The following MTHFD1L variants were observed in gnomAD, a reference collection of about 807,000 sequenced individuals.
The protein encoded by MTHFD1L is methylenetetrahydrofolate dehydrogenase (NADP+ dependent) 1 like.
Under a neutral mutation model 119.5 loss-of-function variants are expected in MTHFD1L, and 81 were observed. That is an observed-to-expected ratio of 0.68 (90% CI 0.57 to 0.82). The LOEUF (loss-of-function observed/expected upper bound fraction) is 0.82, where lower values mean the gene tolerates loss of function less well. MTHFD1L is among the 40% of genes least tolerant of loss of function. The pLI, the probability that MTHFD1L is intolerant of heterozygous loss-of-function variation, is 0.00. For missense variants in MTHFD1L, 1,125 were observed against 1,253.4 expected (o/e 0.90, Z 1.55); for synonymous variants, 430 against 475.2 (o/e 0.90, Z 1.24).
In MTHFD1L at chr6:151,064,792, TTTTTTTTG is replaced by T. The variant is rs1388884717; in HGVS notation, c.2848-27654_2848-27647del. 2.3e-3 allele frequency among the ~76,000 whole-genome samples: 344 copies of T among 151,454 alleles called. 1 individual carries two copies. The highest frequency in any genetic ancestry group is 0.01 in the Middle Eastern group (3 of 286). ...AATGTGTTACTATTCTTTTTTTGTTTTTTTTTTGTTTTTTTGTTTTTTTGTTTTGAGAT... is the reference window on the plus strand; with the variant it reads ...AATGTGTTACTATTCTTTTTTTGTTTTTTTTTTGTTTTTTTGTTTTGAGAT... On this transcript the variant is annotated intron_variant, in intron 26 of 27. Transcript: ENST00000367321.
rs563222987 is a variant in MTHFD1L at position 150,945,580 on chromosome 6, C to G, written c.1623+39C>G. 2.6e-6 allele frequency: 4 copies of G among 1,565,422 alleles called. No homozygotes were observed. The South Asian group carries it at 4.6e-5, about 18-fold the overall frequency. On this transcript the variant is annotated intron_variant, in intron 15 of 27. Coordinates refer to ENST00000367321, the MANE Select transcript of MTHFD1L (RefSeq NM_015440.5). ...TAGCAATTCTTTAAAAAGAAAATAT[C>G]GTAGAAACGCATCAGAAAGATTGTC...
rs6910000 is a variant in MTHFD1L at position 151,090,293 on chromosome 6, C to T, written c.2848-2174C>T. Among the ~76,000 whole-genome samples, 301 of 152,342 alleles carry T rather than the reference C, an allele frequency of 2.0e-3. 2 individuals carry two copies. The highest frequency in any genetic ancestry group is 6.8e-3 in the African/African-American group (282 of 41,576). On this transcript the variant is annotated intron_variant, in intron 26 of 27. Coordinates refer to ENST00000367321, the MANE Select transcript of MTHFD1L (RefSeq NM_015440.5). ...TTCCTTCTCTCCCTCTCCCCACCCC[C>T]AGTCTCCCTTTCCCTGTGCTGAAGG...
chr6:151,077,197 T>C (rs971218191), intron 26 of MTHFD1L, among the ~76,000 whole-genome samples: 5 of 151,762 alleles, frequency 3.3e-5, no homozygotes, highest in African/African-American at 9.7e-5. Context: ...ATCAAAAGGG[T>C]CAGCAAAATA....
chr6:151,087,114 C>A (rs1273529168), intron 26 of MTHFD1L, among the ~76,000 whole-genome samples: 1 of 151,872 alleles, frequency 6.6e-6, no homozygotes, highest in Admixed American at 6.6e-5. Flanking sequence ...CCAGGCATGG[C>A]GGCGGGCACC....
chr6:150,974,170 C>G (rs1776204186), intron 20 of MTHFD1L, among the ~76,000 whole-genome samples: 1 of 152,098 alleles, frequency 6.6e-6, no homozygotes, highest in Non-Finnish European at 1.5e-5. Flanking sequence ...CCTTCTCTTC[C>G]TTGGTTTCCC....
chr6:151,037,963 A>G (rs1405153727), intron 26 of MTHFD1L, among the ~76,000 whole-genome samples: 1 of 152,268 alleles, frequency 6.6e-6, no homozygotes, highest in Non-Finnish European at 1.5e-5. Flanking sequence ...CTTAAACAGC[A>G]TACATTATCA....
chr6:150,955,820 G>T (rs1795557552), intron 16 of MTHFD1L, among the ~76,000 whole-genome samples, 175 bp from the exon 17 acceptor site: 1 of 151,970 alleles, frequency 6.6e-6, no homozygotes, highest in Non-Finnish European at 1.5e-5. Context: ...TTTTTTGTTT[G>T]TTTGTTGTTT....
At chr6:150,869,239 A>G (rs1212485637) in intron 1 of MTHFD1L, among the ~76,000 whole-genome samples, 1 of 152,140 alleles carries the variant, frequency 6.6e-6, no homozygotes, top group Non-Finnish European at 1.5e-5. Flanking sequence ...TACATGCGCC[A>G]TGGTGGTTTG....
intron 9 of MTHFD1L, 73 bp from the exon 10 acceptor site, chr6:150,922,132 T>G: frequency 9.4e-7 from 1 of 1,065,660 alleles, no homozygotes; most frequent in Non-Finnish European, 1.4e-6. Flanking sequence ...ACAAACAATA[T>G]TTCCATGGTT....
chr6:151,069,511 A>G (rs1791722688), intron 26 of MTHFD1L, among the ~76,000 whole-genome samples: 1 of 151,934 alleles, frequency 6.6e-6, no homozygotes, highest in African/African-American at 2.4e-5. Flanking sequence ...TGACTGTGTT[A>G]TTTTCTTATT....
chr6:150,890,466 G>A (rs570115395), intron 7 of MTHFD1L, among the ~76,000 whole-genome samples: 85 of 152,156 alleles, frequency 5.6e-4, no homozygotes, highest in African/African-American at 2.0e-3. Context: ...CCTGTGGAAC[G>A]GTGACTATTG....
In MTHFD1L at chr6:151,015,770, C is replaced by G. The variant is rs368435837; in HGVS notation, c.2586+77C>G. 16 of 1,498,986 alleles carry G rather than the reference C, an allele frequency of 1.1e-5. No individual in the cohort carries two copies. In the East Asian group the frequency reaches 1.4e-4, roughly 13 times the overall value. The allele number at this position is 1,498,986 out of a possible 1,614,324, so 92.9% of individuals were successfully genotyped here. A position where few individuals can be genotyped will look rare whatever the true frequency, so the allele number is the denominator to read the frequency against. On this transcript the variant is annotated intron_variant, in intron 24 of 27. Coordinates refer to ENST00000367321, the MANE Select transcript of MTHFD1L (RefSeq NM_015440.5). ...TGTCCCATTCTGTTGTCACCACAAC[C>G]CTACAGATAAGAAAACTAAAGATAG...
chr6:151,090,896 C>CCCATGCGACTGGGTGCAGCATCGCT lies in MTHFD1L; in HGVS notation c.2848-1548_2848-1547insCTCCATGCGACTGGGTGCAGCATCG, dbSNP rs1794329285. On this transcript the variant is annotated intron_variant, in intron 26 of 27. Coordinates refer to ENST00000367321, the MANE Select transcript of MTHFD1L (RefSeq NM_015440.5). ...CCCATGCGACTGGGTGCAGCATTGC[C>CCCATGCGACTGGGTGCAGCATCGCT]CCATGCGACTGGGTGCAGCATCGTT... 7.5e-5 allele frequency among the ~76,000 whole-genome samples: 5 copies of CCCATGCGACTGGGTGCAGCATCGCT among 66,346 alleles called. 1 individual carries two copies. The highest frequency in any genetic ancestry group is 2.5e-4 in the African/African-American group (5 of 19,766). 43.5% of individuals were successfully genotyped at this position (66,346 alleles called of 152,430 possible).
At chr6:151,026,490 A>T (rs1340320501) in intron 24 of MTHFD1L, among the ~76,000 whole-genome samples, 1 of 152,198 alleles carries the variant, frequency 6.6e-6, no homozygotes, top group Admixed American at 6.5e-5. Flanking sequence ...TTCCATTGTG[A>T]TAGAAAGTGG....
At chr6:150,987,367 G>A (rs1329840243) in intron 20 of MTHFD1L, among the ~76,000 whole-genome samples, 1 of 152,210 alleles carries the variant, frequency 6.6e-6, no homozygotes, top group Non-Finnish European at 1.5e-5. Context: ...GACAGCAGAA[G>A]TGACTTCTGT....
At chr6:150,916,737 CTTTTTTTTTTTTT>C (rs57961829) in intron 8 of MTHFD1L, among the ~76,000 whole-genome samples, 98 of 72,088 alleles carry the variant, frequency 1.4e-3, no homozygotes, top group Non-Finnish European at 2.2e-3. Flanking sequence ...GATTCTATCC[CTTTTTTTTTTTTT>C]TTTTTTTTTT....
chr6:150,969,851 C>A (rs12665791), intron 19 of MTHFD1L, among the ~76,000 whole-genome samples: 1 of 152,104 alleles, frequency 6.6e-6, no homozygotes, highest in East Asian at 1.9e-4. Flanking sequence ...TCCGTGTCAT[C>A]GATTTCATTT....
intron 20 of MTHFD1L, among the ~76,000 whole-genome samples, chr6:151,004,843 G>A (rs1781165869): frequency 6.6e-6 from 1 of 152,212 alleles, no homozygotes; most frequent in African/African-American, 2.4e-5. Context: ...TGTAACAAAA[G>A]GGAAAGAGAT....
At chr6:150,911,079 C>G (rs1786803653) in intron 8 of MTHFD1L, among the ~76,000 whole-genome samples, 1 of 152,062 alleles carries the variant, frequency 6.6e-6, no homozygotes, top group South Asian at 2.1e-4. Context: ...TATTCTAGAT[C>G]TATCCCTGAA....
Sources: allele counts gnomAD v4.1 joint callset (sites outside exome capture counted in the v4.1 genomes callset), GRCh38; gene constraint gnomAD v4.1.1; transcripts MANE v1.5; gene names NCBI Gene and HGNC (gene_info 2026-07-23, HGNC 2026-07-21).